The following RSRC1 variants were observed in gnomAD, a reference collection of about 807,000 sequenced individuals.
RSRC1 encodes serine/Arginine-related protein 53.
RSRC1 carries 39 observed loss-of-function variants against 49.1 expected under a neutral mutation model. That is an observed-to-expected ratio of 0.79 (90% CI 0.61 to 1.04). RSRC1 has a LOEUF of 1.04. Ranked by LOEUF, RSRC1 falls within the 50% of genes least tolerant of loss-of-function variation. The pLI is 0.00. For synonymous variants in RSRC1, 143 were observed against 130.8 expected (o/e 1.09, Z -0.63); for missense variants, 388 against 402.4 (o/e 0.96, Z 0.31).
Position 158,543,359 on chromosome 3 carries a change from CA to C in RSRC1, c.786del (p.Ala263GlnfsTer21). The part of the protein sequence containing the change: ...KKSVEPSEVK[Q>X]ATSTSGPASA... ...GTCAGTGGAACCTAGTGAAGTGAAACAAGCAACTTCAACATCAGGACCAGCA... is the reference window on the plus strand; with the variant it reads ...GTCAGTGGAACCTAGTGAAGTGAAACAGCAACTTCAACATCAGGACCAGCA... On this transcript the variant is annotated frameshift_variant, in exon 9 of 10. Transcript: ENST00000611884. LOFTEE classifies it high-confidence loss of function. 6.3e-7 allele frequency: 1 copy of C among 1,589,794 alleles called. No homozygotes were observed. The highest frequency in any genetic ancestry group is 8.5e-7 in the Non-Finnish European group (1 of 1,170,770).
intron 6 of RSRC1, among the ~76,000 whole-genome samples, chr3:158,457,763 T>C: frequency 6.6e-6 from 1 of 151,550 alleles, no homozygotes; most frequent in Admixed American, 6.6e-5. Context: ...GTTTGTTTTT[T>C]AATATATATA....
intron 6 of RSRC1, among the ~76,000 whole-genome samples, chr3:158,405,595 G>C (rs1734122485): frequency 6.6e-6 from 1 of 152,068 alleles, no homozygotes; most frequent in Non-Finnish European, 1.5e-5. Flanking sequence ...TGGTGTCATG[G>C]GTAAGGCTTT....
At chr3:158,430,164 GGCAGTAGCTGTAGTA>G in intron 6 of RSRC1, among the ~76,000 whole-genome samples, 1 of 152,000 alleles carries the variant, frequency 6.6e-6, no homozygotes. Context: ...TGATGGTGGT[GGCAGTAGCTGTAGTA>G]GCAATAGCAG....
At position 158,154,307 on chromosome 3, in the gene RSRC1, G is replaced by A. The variant is rs548976469; in HGVS notation, c.320+30316G>A. On this transcript the variant is annotated intron_variant, in intron 3 of 9. Coordinates refer to ENST00000611884, the MANE Select transcript of RSRC1 (RefSeq NM_001271838.2). ...TGAGGGTCTTGCCTTGATGTTGATG[G>A]CTGCCCACTGATCATGGTGGCGGTT... 2.6e-5 allele frequency among the ~76,000 whole-genome samples: 4 copies of A among 152,206 alleles called. No homozygotes were observed. The South Asian group carries it at 8.3e-4, about 32-fold the overall frequency.
chr3:158,281,791 G>A (rs1726188490), intron 4 of RSRC1, among the ~76,000 whole-genome samples: 1 of 152,178 alleles, frequency 6.6e-6, no homozygotes, highest in South Asian at 2.1e-4. Context: ...GATGACTTTA[G>A]CCAAGAGTAA....
chr3:158,436,224 A>G (rs79810812), intron 6 of RSRC1, among the ~76,000 whole-genome samples: 1 of 151,828 alleles, frequency 6.6e-6, no homozygotes, highest in African/African-American at 2.4e-5. Context: ...CACTTGTTCA[A>G]TTGGCTATAG....
chr3:158,185,662 A>G (rs998579363), intron 3 of RSRC1, among the ~76,000 whole-genome samples: 2 of 151,990 alleles, frequency 1.3e-5, no homozygotes, highest in Non-Finnish European at 2.9e-5. Context: ...ATCCAAAGCC[A>G]TAAAGTTTTA....
intron 7 of RSRC1, among the ~76,000 whole-genome samples, chr3:158,516,451 T>A (rs1042438664): frequency 4.6e-5 from 7 of 151,624 alleles, no homozygotes; most frequent in African/African-American, 1.7e-4. Context: ...GCAGTCTGCC[T>A]GTTCTCAGAT....
At chr3:158,160,566 A>G (rs948796798) in intron 3 of RSRC1, among the ~76,000 whole-genome samples, 4 of 152,178 alleles carry the variant, frequency 2.6e-5, no homozygotes, top group Non-Finnish European at 5.9e-5. Flanking sequence ...ACCAGGAAGG[A>G]GAAAAGTGAT....
intron 3 of RSRC1, among the ~76,000 whole-genome samples, chr3:158,191,655 T>G: frequency 6.6e-6 from 1 of 152,066 alleles, no homozygotes; most frequent in East Asian, 1.9e-4. Flanking sequence ...TATCAAATGT[T>G]TCTTTGCTTA....
chr3:158,441,402 T>C (rs548825202), intron 6 of RSRC1, among the ~76,000 whole-genome samples: 1 of 152,108 alleles, frequency 6.6e-6, no homozygotes, highest in South Asian at 2.1e-4. Context: ...AACAAGATAT[T>C]AACAAAAGAA....
At chr3:158,479,073 A>G (rs971453937) in intron 7 of RSRC1, among the ~76,000 whole-genome samples, 1 of 150,852 alleles carries the variant, frequency 6.6e-6, no homozygotes, top group African/African-American at 2.4e-5. Context: ...TTTACCAGTG[A>G]TGATAGATTT....
In RSRC1 at chr3:158,537,209, A is replaced by T. The variant is rs1360452401; in HGVS notation, c.759+11A>T. 1.3e-6 allele frequency: 2 copies of T among 1,511,124 alleles called. No individual in the cohort carries two copies. The highest frequency in any genetic ancestry group is 1.8e-6 in the Non-Finnish European group (2 of 1,110,824). 93.6% of individuals were successfully genotyped at this position (1,511,124 alleles called of 1,614,324 possible). ...AAAGAAGTCAAAAAGGTAAGTTTTTATCCACCCATTATGAGTAAACCTTTG... is the reference window on the plus strand; with the variant it reads ...AAAGAAGTCAAAAAGGTAAGTTTTTTTCCACCCATTATGAGTAAACCTTTG... On this transcript the variant is annotated intron_variant, in intron 8 of 9. Coordinates refer to ENST00000611884, the MANE Select transcript of RSRC1 (RefSeq NM_001271838.2).
intron 8 of RSRC1, among the ~76,000 whole-genome samples, chr3:158,538,180 T>G (rs936443195): frequency 4.6e-5 from 7 of 151,838 alleles, no homozygotes; most frequent in Non-Finnish European, 1.5e-5. Context: ...TTAGCACTTC[T>G]TTTGTTATTA....
intron 3 of RSRC1, among the ~76,000 whole-genome samples, chr3:158,131,572 GA>G (rs1559912262): frequency 6.6e-6 from 1 of 152,164 alleles, no homozygotes; most frequent in African/African-American, 2.4e-5. Flanking sequence ...ATGTACTCAT[GA>G]ACTTGGTACT....
intron 4 of RSRC1, among the ~76,000 whole-genome samples, chr3:158,272,816 T>C (rs1725595069): frequency 6.6e-6 from 1 of 152,082 alleles, no homozygotes; most frequent in Admixed American, 6.6e-5. Flanking sequence ...AACTCCCATA[T>C]ACCCTTTACA....
chr3:158,386,165 TA>T (rs1048059562), intron 6 of RSRC1, among the ~76,000 whole-genome samples: 13 of 152,126 alleles, frequency 8.5e-5, no homozygotes, highest in African/African-American at 3.1e-4. Flanking sequence ...GTATATGCTT[TA>T]AAAAAAGGCA....
At chr3:158,425,028 C>A (rs1245199399) in intron 6 of RSRC1, among the ~76,000 whole-genome samples, 3 of 151,216 alleles carry the variant, frequency 2.0e-5, no homozygotes, top group African/African-American at 7.3e-5. Flanking sequence ...TTCAAAAAAC[C>A]AGCTCCTGGA....
chr3:158,258,207 C>CG (rs1559965161), intron 4 of RSRC1, among the ~76,000 whole-genome samples: 2 of 88,888 alleles, frequency 2.3e-5, no homozygotes, highest in Non-Finnish European at 4.4e-5. Flanking sequence ...CTCCTTTTAA[C>CG]CTTTTTTTTT....
Sources: allele counts gnomAD v4.1 joint callset (sites outside exome capture counted in the v4.1 genomes callset), GRCh38; gene constraint gnomAD v4.1.1; transcripts MANE v1.5; gene names NCBI Gene and HGNC (gene_info 2026-07-23, HGNC 2026-07-21).